Variants in NFRKB observed in about 807,000 individuals in gnomAD.
The protein encoded by NFRKB is nuclear factor related to kappa-B-binding protein.
In NFRKB, 62 loss-of-function variants were observed where a neutral mutation model predicts 135.7. That is an observed-to-expected ratio of 0.46 (90% CI 0.37 to 0.56). The LOEUF (loss-of-function observed/expected upper bound fraction) is 0.56. Ranked by LOEUF, NFRKB falls within the 20% of genes least tolerant of loss-of-function variation. The pLI is 0.00. For synonymous variants in NFRKB, 678 were observed against 635.6 expected, an observed-to-expected ratio of 1.07 and a Z score of -1.00; for missense variants, 1,545 against 1,662.0, an observed-to-expected ratio of 0.93 and a Z score of 1.22.
chr11:129,867,544 T>C (rs1414173810), intron 24 of NFRKB, among the ~76,000 whole-genome samples: 1 of 152,154 alleles, frequency 6.6e-6, no homozygotes, highest in Admixed American at 6.5e-5. Flanking sequence ...CTCGAACTCC[T>C]GACCTCAGGT....
At position 129,881,423 on chromosome 11, in the gene NFRKB, A is replaced by G. The variant is rs1949021390; in HGVS notation, c.1384+20T>C. 1 of 1,612,188 alleles carries G rather than the reference A, an allele frequency of 6.2e-7. No individual in the cohort carries two copies. The highest frequency in any genetic ancestry group is 1.7e-5 in the Admixed American group (1 of 59,988). On this transcript the variant is annotated intron_variant, in intron 13 of 26. Transcript: ENST00000682444. ...TGGGAGAACGAAAACCTGTTGGGGT[A>G]GGTAATACGGATCACTTACCAAGCA...
chr11:129,882,477 C>A lies in NFRKB; in HGVS notation c.1056G>T (p.Pro352=). Residue 352 remains proline (P), a synonymous_variant, in exon 10 of 27, where the codon CCG becomes CCT. Transcript: ENST00000682444. Reference sequence around the variant, plus strand: ...CTTCCTTGATAGCAGGAATTGCCAGCGGAGAGGGGGCCTGTGAGAGAGGTG... The same window carrying A: ...CTTCCTTGATAGCAGGAATTGCCAGAGGAGAGGGGGCCTGTGAGAGAGGTG... The part of the protein sequence containing the change: ...GVAPLSQAPS[P]LAIPAIKEEP... The A allele has an allele frequency of 6.2e-7, 1 of 1,613,164 alleles. No homozygotes were observed.
rs766633035 is a variant in NFRKB at position 129,877,349 on chromosome 11, C to T, written c.1548G>A (p.Glu516=). 3.7e-6 allele frequency: 6 copies of T among 1,614,056 alleles called. No homozygotes were observed. The South Asian group carries it at 6.6e-5, about 18-fold the overall frequency. The change falls in exon 16 of 27, where the codon GAG becomes GAA. Residue 516 remains glutamate (E), a synonymous_variant. Coordinates refer to ENST00000682444, the MANE Select transcript of NFRKB (RefSeq NM_001143835.2). ...CCTGCTCCTGAAAAACCCGTTTCTC[C>T]TCCCCCGTGCTGGGACGCACCACAT... ...TDYVVRPSTG[E]EKRVFQEQER...
At chr11:129,873,671 C>A (rs1948624012) in intron 22 of NFRKB, 74 bp downstream of exon 22, 2 of 1,561,534 alleles carry the variant, frequency 1.3e-6, no homozygotes, top group African/African-American at 2.7e-5. Flanking sequence ...TACCCAGACA[C>A]TGCCCATCTG....
At chr11:129,877,259 A>C (rs1171710444) in intron 16 of NFRKB, 66 bp downstream of exon 16, 1 of 1,464,384 alleles carries the variant, frequency 6.8e-7, no homozygotes, top group Non-Finnish European at 9.6e-7. Context: ...CAGGAGAGTC[A>C]GGCTCAGAGC....
In NFRKB at chr11:129,890,768, T is replaced by C. The variant is rs6590426; in HGVS notation, c.135+1947A>G. ...CAATGACGCATCTTGCCTGTGAAAGTGGACAAAAACAAGCTGGCATCCCAT... is the reference window on the plus strand; with the variant it reads ...CAATGACGCATCTTGCCTGTGAAAGCGGACAAAAACAAGCTGGCATCCCAT... On this transcript the variant is annotated intron_variant, in intron 3 of 26. Transcript: ENST00000682444. Among the ~76,000 whole-genome samples, 342 of 152,240 alleles carry C rather than the reference T, an allele frequency of 2.2e-3. 2 individuals are homozygous for C. Among genetic ancestry groups the C allele is most frequent in the African/African-American group, 7.2e-3 (301 of 41,530 alleles).
intron 24 of NFRKB, among the ~76,000 whole-genome samples, chr11:129,867,847 ACAC>A (rs1288773723): frequency 6.6e-6 from 1 of 152,182 alleles, no homozygotes; most frequent in Non-Finnish European, 1.5e-5. Context: ...GCATCCACAG[ACAC>A]CTGTGTGGGG....
At chr11:129,882,026 A>G (rs2135663155) in intron 11 of NFRKB, 60 bp downstream of exon 11, 1 of 1,491,878 alleles carries the variant, frequency 6.7e-7, no homozygotes, top group Non-Finnish European at 9.1e-7. Flanking sequence ...GCTATAGACC[A>G]TTCAGGATTT....
In NFRKB at chr11:129,884,781, C is replaced by A. The variant is rs1050229904; in HGVS notation, c.706G>T (p.Val236Leu). 3.1e-6 allele frequency: 5 copies of A among 1,613,994 alleles called. No individual in the cohort carries two copies. The highest frequency in any genetic ancestry group is 4.2e-6 in the Non-Finnish European group (5 of 1,180,028). Reference protein sequence around the residue: ...SPSPAVPLRVVPTLSTTDMKT... With the variant: ...SPSPAVPLRVLPTLSTTDMKT... Reference sequence around the variant, plus strand: ...ATATCCGTGGTTGAAAGTGTGGGCACCACCCGCAGGGGCACCGCAGGACTA... The same window carrying A: ...ATATCCGTGGTTGAAAGTGTGGGCAACACCCGCAGGGGCACCGCAGGACTA... The change falls in exon 7 of 27, where the codon GTG becomes TTG. Residue 236 changes from valine to leucine, a missense_variant. Around this residue, in one of 3 missense-constraint regions of NFRKB, gnomAD observed 678 missense variants for 646.7 expected, o/e 1.05. Coordinates refer to ENST00000682444, the MANE Select transcript of NFRKB (RefSeq NM_001143835.2).
At chr11:129,885,352 A>C (rs776304078) in intron 6 of NFRKB, 83 bp downstream of exon 6, 5 of 1,465,780 alleles carry the variant, frequency 3.4e-6, no homozygotes, top group Non-Finnish European at 4.6e-6. Context: ...TGGGGAGATA[A>C]ATGGCTACCA....
At chr11:129,866,548 A>G (rs1417469878) in intron 24 of NFRKB, among the ~76,000 whole-genome samples, 2 of 151,720 alleles carry the variant, frequency 1.3e-5, no homozygotes, top group South Asian at 4.2e-4. Flanking sequence ...TCTCCCGGAG[A>G]TAAGAGAGGT....
intron 4 of NFRKB, among the ~76,000 whole-genome samples, chr11:129,887,682 C>A (rs1949342847): frequency 6.6e-6 from 1 of 152,162 alleles, no homozygotes; most frequent in Non-Finnish European, 1.5e-5. Context: ...ATGCATGAAC[C>A]CTGAACAGAT....
rs1948623356 is a variant in NFRKB at position 129,873,663 on chromosome 11, C to A, written c.2550+82G>T. 7 of 1,550,352 alleles carry A rather than the reference C, an allele frequency of 4.5e-6. No homozygotes were observed. The Admixed American group carries it at 1.0e-4, about 23-fold the overall frequency. On this transcript the variant is annotated intron_variant, in intron 22 of 26. Transcript: ENST00000682444. ...ATAATCTATGGCTCCCCAGTCCTTA[C>A]CCAGACACTGCCCATCTGACTCATC...
chr11:129,886,510 T>C (rs1949286637), intron 4 of NFRKB, 66 bp from the exon 5 acceptor site: 117 of 1,432,016 alleles, frequency 8.2e-5, no homozygotes, highest in Non-Finnish European at 1.1e-4. Flanking sequence ...TCAACAAATA[T>C]ATTGAATGAG....
At chr11:129,877,413 C>T (rs1301135412) in intron 15 of NFRKB, 28 bp from the exon 16 acceptor site, 4 of 1,610,518 alleles carry the variant, frequency 2.5e-6, no homozygotes, top group Non-Finnish European at 3.4e-6. Flanking sequence ...CTGTATCAAC[C>T]CTGACAGCTG....
At chr11:129,889,991 TTA>T (rs1237583983) in intron 3 of NFRKB, among the ~76,000 whole-genome samples, 1 of 150,354 alleles carries the variant, frequency 6.7e-6, no homozygotes, top group Non-Finnish European at 1.5e-5. Flanking sequence ...TGTATGCATT[TTA>T]TATACGCTTC....
At chr11:129,876,648 G>GAGTTCAA in intron 17 of NFRKB, 73 bp downstream of exon 17, 1 of 1,529,574 alleles carries the variant, frequency 6.5e-7, no homozygotes, top group Non-Finnish European at 8.9e-7. Context: ...GGAGAGGACA[G>GAGTTCAA]AGTTCAGAGT....
chr11:129,878,525 T>C lies in NFRKB; in HGVS notation c.1403A>G (p.Glu468Gly). The C allele has an allele frequency of 6.2e-7, 1 of 1,614,116 alleles. No homozygotes were observed. Among genetic ancestry groups the C allele is most frequent in the Non-Finnish European group, 8.5e-7 (1 of 1,179,946 alleles). ...CTGGAAGAGGGCAGCTAATTCCTTT[T>C]CATTATCTTGGGATTGGCCTATTAG... ...WKLLGQSQDN[E>G]KELAALFQLW... The change falls in exon 14 of 27, where the codon GAA becomes GGA. Residue 468 changes from glutamate to glycine, a missense_variant. By Grantham distance (98) the Glu-to-Gly change is moderately conservative. Around this residue, in one of 3 missense-constraint regions of NFRKB, gnomAD observed 678 missense variants for 646.7 expected, o/e 1.05. Coordinates refer to ENST00000682444, the MANE Select transcript of NFRKB (RefSeq NM_001143835.2).
intron 6 of NFRKB, 43 bp downstream of exon 6, chr11:129,885,392 C>T: frequency 6.4e-7 from 1 of 1,560,552 alleles, no homozygotes; most frequent in Non-Finnish European, 8.7e-7. Context: ...TGGCCGGTAT[C>T]CATCCAATAC....
Sources: allele counts gnomAD v4.1 joint callset (sites outside exome capture counted in the v4.1 genomes callset), GRCh38; gene constraint gnomAD v4.1.1; regional missense constraint gnomAD v4.1.1; transcripts MANE v1.5; gene names NCBI Gene and HGNC (gene_info 2026-07-23, HGNC 2026-07-21).